Variants in ADAM2 observed in about 807,000 individuals in gnomAD.
ADAM2 encodes disintegrin and metalloproteinase domain-containing protein 2.
In ADAM2, 101 loss-of-function variants were observed where a neutral mutation model predicts 99.3. The ratio of observed to expected loss-of-function variants is 1.02; its 90% CI spans 0.87 to 1.20. ADAM2 has a LOEUF of 1.20. Ranked by LOEUF, ADAM2 falls within the 50% of genes most tolerant of loss-of-function variation. The pLI is 0.00. For synonymous variants in ADAM2, 323 were observed against 287.6 expected (o/e 1.12, Z -1.25); for missense variants, 948 against 878.7 (o/e 1.08, Z -1.00).
At chr8:39,828,961 T>TG (rs1341989961) in intron 3 of ADAM2, among the ~76,000 whole-genome samples, 2 of 151,980 alleles carry the variant, frequency 1.3e-5, no homozygotes, top group East Asian at 3.9e-4. Flanking sequence ...ATCAAGAGCT[T>TG]GGAAACAGAT....
chr8:39,784,113 G>A (rs2129585073), intron 10 of ADAM2, among the ~76,000 whole-genome samples: 1 of 152,244 alleles, frequency 6.6e-6, no homozygotes, highest in Non-Finnish European at 1.5e-5. Flanking sequence ...GCAGGATTAG[G>A]TAGAAAGGGT....
intron 7 of ADAM2, among the ~76,000 whole-genome samples, chr8:39,794,641 T>A (rs1803863108): frequency 1.3e-5 from 2 of 151,986 alleles, no homozygotes; most frequent in South Asian, 2.1e-4. Context: ...ACTGTGAAAA[T>A]CCCTATCCTG....
chr8:39,760,627 A>G (rs1181874256), intron 15 of ADAM2, among the ~76,000 whole-genome samples: 1 of 152,122 alleles, frequency 6.6e-6, no homozygotes, highest in East Asian at 1.9e-4. Flanking sequence ...AGGCTGAGGC[A>G]GGAGAATGGC....
At chr8:39,798,481 G>T (rs183066092) in intron 7 of ADAM2, among the ~76,000 whole-genome samples, 2 of 152,154 alleles carry the variant, frequency 1.3e-5, no homozygotes, top group African/African-American at 2.4e-5. Context: ...GTTCATCAGG[G>T]ATATTGGCCT....
intron 14 of ADAM2, among the ~76,000 whole-genome samples, chr8:39,764,475 G>T (rs1019860632): frequency 6.6e-6 from 1 of 152,100 alleles, no homozygotes; most frequent in Non-Finnish European, 1.5e-5. Flanking sequence ...TGAGGACCTG[G>T]CACCGCCTCT....
At chr8:39,832,239 G>A (rs1294001816) in intron 3 of ADAM2, among the ~76,000 whole-genome samples, 2 of 152,144 alleles carry the variant, frequency 1.3e-5, no homozygotes, top group African/African-American at 4.8e-5. Flanking sequence ...ACAGTTTGGT[G>A]CTAGCTCTGC....
Position 39,755,900 on chromosome 8 carries a change from C to A in ADAM2, c.1625G>T (p.Cys542Phe), listed in dbSNP as rs1210750560. 2.0e-6 allele frequency: 3 copies of A among 1,519,050 alleles called. No individual in the cohort carries two copies. In the South Asian group the frequency reaches 3.5e-5, roughly 18 times the overall value. 94.1% of individuals were successfully genotyped at this position (1,519,050 alleles called of 1,614,324 possible). The change falls in exon 16 of 21, where the codon TGC (cysteine) becomes TTC (phenylalanine). Residue 542 changes from cysteine (C) to phenylalanine (F), a missense_variant. Physicochemically the swap from Cys to Phe is radical, Grantham distance 205. Coordinates refer to ENST00000265708, the MANE Select transcript of ADAM2 (RefSeq NM_001464.5). ...YTQCEADNLQ[C>F]GKLICKYVGK... ...TACATATTTACATATTAATTTTCCGCACTGCAGATTGCTATAATTTATCCA... is the reference window on the plus strand; with the variant it reads ...TACATATTTACATATTAATTTTCCGAACTGCAGATTGCTATAATTTATCCA...
chr8:39,775,048 C>G (rs918734683), intron 11 of ADAM2, among the ~76,000 whole-genome samples: 14 of 151,992 alleles, frequency 9.2e-5, no homozygotes, highest in Non-Finnish European at 2.1e-4. Flanking sequence ...ATTGAGATGG[C>G]AATAATGACT....
intron 6 of ADAM2, among the ~76,000 whole-genome samples, chr8:39,813,938 A>T (rs1387498591): frequency 6.6e-6 from 1 of 151,716 alleles, no homozygotes; most frequent in African/African-American, 2.4e-5. Flanking sequence ...TAAATAAAAT[A>T]AATATATGTA....
intron 15 of ADAM2, among the ~76,000 whole-genome samples, chr8:39,757,457 G>A (rs1802192406): frequency 6.6e-6 from 1 of 152,162 alleles, no homozygotes; most frequent in Non-Finnish European, 1.5e-5. Flanking sequence ...TTCTTAGCTT[G>A]AATAATCCCA....
intron 10 of ADAM2, among the ~76,000 whole-genome samples, chr8:39,781,804 T>C (rs1177777431): frequency 6.6e-6 from 1 of 152,192 alleles, no homozygotes; most frequent in Non-Finnish European, 1.5e-5. Flanking sequence ...GGGTTTACAC[T>C]ACCATTTTTG....
chr8:39,814,669 TAGAC>T (rs1001295531), intron 6 of ADAM2, among the ~76,000 whole-genome samples: 3 of 152,156 alleles, frequency 2.0e-5, no homozygotes, highest in Non-Finnish European at 2.9e-5. Flanking sequence ...CATCAATAAA[TAGAC>T]AGATAGATAG....
intron 3 of ADAM2, among the ~76,000 whole-genome samples, chr8:39,826,979 A>C (rs2129588747): frequency 6.6e-6 from 1 of 152,266 alleles, no homozygotes; most frequent in South Asian, 2.1e-4. Context: ...GAATGGGAGA[A>C]AAGATTTGCC....
intron 19 of ADAM2, among the ~76,000 whole-genome samples, chr8:39,745,956 G>T (rs1823425435): frequency 6.6e-6 from 1 of 151,748 alleles, no homozygotes; most frequent in South Asian, 2.1e-4. Context: ...GATTAAAATT[G>T]CAATTATTAT....
chr8:39,814,103 A>G (rs1290292532), intron 6 of ADAM2, among the ~76,000 whole-genome samples: 1 of 152,086 alleles, frequency 6.6e-6, no homozygotes, highest in Non-Finnish European at 1.5e-5. Flanking sequence ...CACACCTGTA[A>G]TCCCAGCACT....
intron 11 of ADAM2, 105 bp from the exon 12 acceptor site, chr8:39,769,680 A>C (rs1368675459): frequency 3.0e-6 from 2 of 669,560 alleles, no homozygotes; most frequent in Non-Finnish European, 5.1e-6. Flanking sequence ...CAAATTCCCA[A>C]GTCTGTGAGT....
chr8:39,783,347 G>C (rs1173638214), intron 10 of ADAM2, among the ~76,000 whole-genome samples: 1 of 152,010 alleles, frequency 6.6e-6, no homozygotes, highest in East Asian at 1.9e-4. Flanking sequence ...GCTGAGGTAG[G>C]TTGTTTTTTT....
intron 15 of ADAM2, among the ~76,000 whole-genome samples, chr8:39,760,395 C>A (rs1244766428): frequency 3.9e-5 from 6 of 152,088 alleles, no homozygotes; most frequent in African/African-American, 9.7e-5. Context: ...GATTTAAAAT[C>A]AAAATGTCTG....
intron 2 of ADAM2, among the ~76,000 whole-genome samples, chr8:39,836,529 C>A (rs1805828957): frequency 1.3e-5 from 2 of 150,104 alleles, no homozygotes; most frequent in Non-Finnish European, 1.5e-5. Context: ...AGAACATCTG[C>A]TACCAAACCA....
Sources: allele counts gnomAD v4.1 joint callset (sites outside exome capture counted in the v4.1 genomes callset), GRCh38; gene constraint gnomAD v4.1.1; transcripts MANE v1.5; gene names NCBI Gene and HGNC (gene_info 2026-07-23, HGNC 2026-07-21).